ACADL: variants seen among roughly 807,000 people sequenced by gnomAD.
ACADL encodes acyl-CoA dehydrogenase long chain, also known as long-chain specific acyl-CoA dehydrogenase, mitochondrial.
ACADL carries 60 observed loss-of-function variants against 56.9 expected under a neutral mutation model. That is an observed-to-expected ratio of 1.05 (90% CI 0.86 to 1.31). The LOEUF (loss-of-function observed/expected upper bound fraction) is 1.31. Ranked by LOEUF, ACADL falls within the 50% of genes most tolerant of loss-of-function variation. The pLI, the probability that ACADL is intolerant of heterozygous loss-of-function variation, is 0.00. For synonymous variants in ACADL, 158 were observed against 179.7 expected, an observed-to-expected ratio of 0.88 and a Z score of 0.97; for missense variants, 484 against 525.5, an observed-to-expected ratio of 0.92 and a Z score of 0.77.
intron 7 of ACADL, 40 bp from the exon 8 acceptor site, chr2:210,203,484 A>G: frequency 1.6e-6 from 2 of 1,256,354 alleles, no homozygotes; most frequent in South Asian, 1.2e-5. Context: ...TACTCTAATT[A>G]TGCAAGTGAT....
chr2:210,212,788 T>A (rs963712995), intron 4 of ACADL, among the ~76,000 whole-genome samples: 1 of 152,058 alleles, frequency 6.6e-6, no homozygotes, highest in African/African-American at 2.4e-5. Flanking sequence ...GCTTTGTACA[T>A]AACGGGCACT....
At chr2:210,215,755 C>T (rs1689075371) in intron 4 of ACADL, among the ~76,000 whole-genome samples, 1 of 152,146 alleles carries the variant, frequency 6.6e-6, no homozygotes, top group African/African-American at 2.4e-5. Flanking sequence ...GTCTACAGCA[C>T]ACTACTTTGT....
intron 4 of ACADL, among the ~76,000 whole-genome samples, chr2:210,212,583 A>G (rs1689004428): frequency 6.6e-6 from 1 of 152,198 alleles, no homozygotes; most frequent in Non-Finnish European, 1.5e-5. Flanking sequence ...TCTGTGTCTC[A>G]AGCCACCAAG....
chr2:210,207,709 C>T (rs964312005), intron 5 of ACADL, among the ~76,000 whole-genome samples: 1 of 152,098 alleles, frequency 6.6e-6, no homozygotes, highest in Non-Finnish European at 1.5e-5. Flanking sequence ...CTAAAATGCA[C>T]AGCACTGATA....
At chr2:210,195,988 A>G (rs1575671798) in intron 8 of ACADL, among the ~76,000 whole-genome samples, 2 of 152,176 alleles carry the variant, frequency 1.3e-5, no homozygotes, top group East Asian at 3.9e-4. Flanking sequence ...CTCTGTCCCT[A>G]CCCAAATCTT....
At chr2:210,190,655 G>A (rs951707403) in intron 10 of ACADL, among the ~76,000 whole-genome samples, 1 of 151,958 alleles carries the variant, frequency 6.6e-6, no homozygotes, top group African/African-American at 2.4e-5. Flanking sequence ...AGCCTAATGA[G>A]TAAGACTTAT....
chr2:210,217,906 A>G, intron 3 of ACADL, 59 bp downstream of exon 3: 1 of 1,587,808 alleles, frequency 6.3e-7, no homozygotes, highest in Non-Finnish European at 8.6e-7. Flanking sequence ...TGGTCATTTC[A>G]GAAAGGTGAG....
chr2:210,202,857 C>T (rs970845609), intron 8 of ACADL, among the ~76,000 whole-genome samples: 1 of 152,114 alleles, frequency 6.6e-6, no homozygotes, highest in Non-Finnish European at 1.5e-5. Flanking sequence ...TTTCTATCTA[C>T]TCATCGGGTG....
chr2:210,192,578 C>G (rs1193157051), intron 10 of ACADL, among the ~76,000 whole-genome samples: 1 of 152,020 alleles, frequency 6.6e-6, no homozygotes, highest in Non-Finnish European at 1.5e-5. Context: ...AAGGATCAAG[C>G]TTTTGTTTAT....
chr2:210,212,679 G>A (rs930902665), intron 4 of ACADL, among the ~76,000 whole-genome samples: 1 of 152,162 alleles, frequency 6.6e-6, no homozygotes, highest in Non-Finnish European at 1.5e-5. Context: ...ATAATAAAAA[G>A]GAATTATCTT....
intron 9 of ACADL, among the ~76,000 whole-genome samples, chr2:210,194,688 A>T (rs1239342543): frequency 6.6e-6 from 1 of 152,210 alleles, no homozygotes; most frequent in Non-Finnish European, 1.5e-5. Flanking sequence ...AAAATTGGAA[A>T]GCACCTTAAA....
intron 10 of ACADL, among the ~76,000 whole-genome samples, chr2:210,192,496 A>G (rs1001354939): frequency 6.6e-6 from 1 of 152,152 alleles, no homozygotes; most frequent in Non-Finnish European, 1.5e-5. Context: ...TCAAAATAAA[A>G]TAAAAAATAA....
intron 4 of ACADL, among the ~76,000 whole-genome samples, chr2:210,210,666 C>T (rs1688965165): frequency 6.6e-6 from 1 of 152,178 alleles, no homozygotes; most frequent in Non-Finnish European, 1.5e-5. Context: ...AGCTATTAGG[C>T]AGGGCATGGT....
In ACADL at chr2:210,204,637, C is replaced by T; in HGVS notation, c.814G>A (p.Ala272Thr). The change falls in exon 7 of 11, where the codon GCC becomes ACC. Residue 272 changes from alanine (A) to threonine (T), a missense_variant. By Grantham distance (58) the Ala-to-Thr change is moderately conservative. Transcript: ENST00000233710. Reference protein sequence around the residue: ...FFEDIRLPASALLGEENKGFY... With the variant: ...FFEDIRLPASTLLGEENKGFY... ...CCTTTATTCTCTTCTCCAAGTAGGG[C>T]ACTAGCTGGCAACCGTATATCTTCA... 1 of 1,613,182 alleles carries T rather than the reference C, an allele frequency of 6.2e-7. No homozygotes were observed. The highest frequency in any genetic ancestry group is 8.5e-7 in the Non-Finnish European group (1 of 1,179,322).
intron 1 of ACADL, among the ~76,000 whole-genome samples, chr2:210,222,891 G>A (rs747843680): frequency 3.3e-5 from 5 of 152,150 alleles, no homozygotes; most frequent in Non-Finnish European, 7.3e-5. Context: ...TGCTAGTAGA[G>A]ATAAAATTAT....
intron 10 of ACADL, among the ~76,000 whole-genome samples, chr2:210,190,125 A>G (rs1419063455): frequency 1.3e-5 from 2 of 151,920 alleles, no homozygotes; most frequent in African/African-American, 2.4e-5. Context: ...GGAACATACC[A>G]CTTTTGGACT....
chr2:210,192,854 A>T lies in ACADL; in HGVS notation c.1149T>A (p.Cys383Ter). The change falls in exon 10 of 11, where the codon TGT (cysteine) becomes TGA (stop). Residue 383 changes from cysteine to a stop codon, truncating the protein, a stop_gained. Coordinates refer to ENST00000233710, the MANE Select transcript of ACADL (RefSeq NM_001608.4). LOFTEE classifies it high-confidence loss of function. ...SELQNSVAYDCVQLHGGWGYM... is the reference protein window; with the variant it reads ...SELQNSVAYD ...ATCCCCAACCTCCATGGAGCTGTAC[A>T]CAGTCGTAAGCTACACTATTTTGTA... 6.2e-7 allele frequency: 1 copy of T among 1,613,902 alleles called. No individual in the cohort carries two copies. The highest frequency in any genetic ancestry group is 1.3e-5 in the African/African-American group (1 of 75,046).
chr2:210,212,568 A>G (rs1352862324), intron 4 of ACADL, among the ~76,000 whole-genome samples: 1 of 152,198 alleles, frequency 6.6e-6, no homozygotes, highest in African/African-American at 2.4e-5. Context: ...GTAAGAGAAT[A>G]AATTTCTGTG....
At chr2:210,210,644 G>A (rs1410714575) in intron 4 of ACADL, among the ~76,000 whole-genome samples, 1 of 151,932 alleles carries the variant, frequency 6.6e-6, no homozygotes, top group East Asian at 1.9e-4. Flanking sequence ...TGTCTCTATT[G>A]ATCAAAAATT....
Sources: allele counts gnomAD v4.1 joint callset (sites outside exome capture counted in the v4.1 genomes callset), GRCh38; gene constraint gnomAD v4.1.1; transcripts MANE v1.5; gene names NCBI Gene and HGNC (gene_info 2026-07-23, HGNC 2026-07-21).